DCC: variants seen among roughly 807,000 people sequenced by gnomAD.
DCC encodes the protein DCC netrin 1 receptor.
Under a neutral mutation model 172.5 loss-of-function variants are expected in DCC, and 58 were observed. The ratio of observed to expected loss-of-function variants is 0.34; its 90% confidence interval spans 0.27 to 0.42. The LOEUF (loss-of-function observed/expected upper bound fraction) is 0.42. Among genes scored for constraint, DCC ranks in the 10% least tolerant of loss-of-function variants. The pLI, the probability that DCC is intolerant of heterozygous loss-of-function variation, is 1.00. For synonymous variants in DCC, 709 were observed against 644.5 expected, an observed-to-expected ratio of 1.10 and a Z score of -1.52; for missense variants, 1,740 against 1,791.0, an observed-to-expected ratio of 0.97 and a Z score of 0.51.
At chr18:52,717,695 A>G (rs1356241637) in intron 1 of DCC, among the ~76,000 whole-genome samples, 1 of 152,114 alleles carries the variant, frequency 6.6e-6, no homozygotes, top group Non-Finnish European at 1.5e-5. Context: ...AATACCACCC[A>G]TCTTAGGGTT....
chr18:53,069,919 G>A, intron 7 of DCC, among the ~76,000 whole-genome samples: 1 of 151,068 alleles, frequency 6.6e-6, no homozygotes, highest in East Asian at 1.9e-4. Flanking sequence ...GTGTTGTGGG[G>A]TTGGGGGGGG....
intron 26 of DCC, among the ~76,000 whole-genome samples, chr18:53,487,875 G>T (rs1301306211): frequency 6.6e-6 from 1 of 152,116 alleles, no homozygotes; most frequent in Non-Finnish European, 1.5e-5. Flanking sequence ...AAACTGCATT[G>T]AAGGGAATTA....
chr18:53,274,472 T>C (rs1273304719), intron 12 of DCC, among the ~76,000 whole-genome samples: 2 of 152,300 alleles, frequency 1.3e-5, no homozygotes, highest in African/African-American at 4.8e-5. Flanking sequence ...TGACATCTGA[T>C]TTCCAGGTAT....
At chr18:52,833,095 A>G (rs949603411) in intron 2 of DCC, among the ~76,000 whole-genome samples, 1 of 152,150 alleles carries the variant, frequency 6.6e-6, no homozygotes, top group African/African-American at 2.4e-5. Context: ...AACTATTGCC[A>G]GAAATTGTAC....
chr18:52,951,273 C>CT (rs780587185), intron 5 of DCC, among the ~76,000 whole-genome samples: 46 of 151,368 alleles, frequency 3.0e-4, no homozygotes, highest in African/African-American at 6.3e-4. Context: ...CTTTACAAAT[C>CT]TTTTTTTTTA....
intron 23 of DCC, among the ~76,000 whole-genome samples, chr18:53,453,305 C>T (rs2045440631): frequency 6.6e-6 from 1 of 152,174 alleles, no homozygotes; most frequent in Admixed American, 6.5e-5. Flanking sequence ...CTGGATAATG[C>T]AGGTGAAAGC....
At chr18:53,163,468 A>G (rs764250133) in intron 8 of DCC, among the ~76,000 whole-genome samples, 10 of 152,180 alleles carry the variant, frequency 6.6e-5, no homozygotes, top group Non-Finnish European at 1.0e-4. Context: ...TTGTTTGTTC[A>G]TGTAGGTTTA....
intron 5 of DCC, among the ~76,000 whole-genome samples, chr18:53,018,757 T>G (rs181598443): frequency 2.6e-4 from 39 of 152,232 alleles, no homozygotes; most frequent in Non-Finnish European, 4.6e-4. Context: ...GATACACCTG[T>G]TTGATGAATA....
At chr18:52,578,496 T>C (rs1003574600) in intron 1 of DCC, among the ~76,000 whole-genome samples, 1 of 152,196 alleles carries the variant, frequency 6.6e-6, no homozygotes, top group African/African-American at 2.4e-5. Context: ...TTGTTGTATG[T>C]GTGTTATTTG....
At chr18:52,987,074 G>A (rs557383523) in intron 5 of DCC, among the ~76,000 whole-genome samples, 5 of 152,072 alleles carry the variant, frequency 3.3e-5, no homozygotes, top group South Asian at 2.1e-4. Flanking sequence ...CACTGGCCTC[G>A]GCCTCCCAAA....
intron 1 of DCC, among the ~76,000 whole-genome samples, chr18:52,744,714 A>G (rs1470932416): frequency 2.0e-5 from 3 of 152,210 alleles, no homozygotes; most frequent in Admixed American, 2.0e-4. Context: ...AAAGTCTTCC[A>G]TTAATGGGAA....
intron 5 of DCC, among the ~76,000 whole-genome samples, chr18:52,979,410 C>T (rs1316172763): frequency 6.6e-6 from 1 of 152,116 alleles, no homozygotes; most frequent in African/African-American, 2.4e-5. Flanking sequence ...ATGAGTGGTG[C>T]AGGGCCTGCC....
chr18:52,556,876 T>C (rs1344419108), intron 1 of DCC, among the ~76,000 whole-genome samples: 2 of 152,172 alleles, frequency 1.3e-5, no homozygotes, highest in African/African-American at 4.8e-5. Flanking sequence ...TATTTTGGAC[T>C]AACTCTCAAA....
At chr18:52,804,625 G>A (rs2038054662) in intron 2 of DCC, among the ~76,000 whole-genome samples, 2 of 152,172 alleles carry the variant, frequency 1.3e-5, no homozygotes, top group Admixed American at 6.5e-5. Flanking sequence ...GAAGTGCAGT[G>A]GTGCGATCTC....
rs189339588 is a variant in DCC, at chr18:53,042,896, T to C, written c.986-20409T>C. ...TTAGTTCAACCATTGTTGAAGACAGTGTGGGGATTCTTCAAGGATCTAGAA... is the reference window on the plus strand; with the variant it reads ...TTAGTTCAACCATTGTTGAAGACAGCGTGGGGATTCTTCAAGGATCTAGAA... On this transcript the variant is annotated intron_variant, in intron 5 of 28. Transcript: ENST00000442544. 1.2e-3 allele frequency among the ~76,000 whole-genome samples: 176 copies of C among 152,014 alleles called. 1 individual carries two copies. The highest frequency in any genetic ancestry group is 2.3e-3 in the Non-Finnish European group (154 of 67,924).
At chr18:53,065,724 A>G (rs1408211352) in intron 6 of DCC, among the ~76,000 whole-genome samples, 2 of 152,114 alleles carry the variant, frequency 1.3e-5, no homozygotes, top group African/African-American at 4.8e-5. Flanking sequence ...TTTTCATGGT[A>G]ATCTTTGTTG....
chr18:53,027,384 A>G (rs1031537219), intron 5 of DCC, among the ~76,000 whole-genome samples: 5 of 152,208 alleles, frequency 3.3e-5, no homozygotes, highest in African/African-American at 9.6e-5. Context: ...TAACGTTAAT[A>G]TTAGCATCAA....
Position 52,372,250 on chromosome 18 carries a change from C to T in DCC, c.91+31372C>T, listed in dbSNP as rs114563456. ...GTAACCTCTGCATAATACTAGACCC[C>T]GTGTAGCTGTAGTGCTGAAGAAACC... is the stretch of plus-strand genomic sequence containing the variant. On this transcript the variant is annotated intron_variant, in intron 1 of 28. Coordinates refer to ENST00000442544, the MANE Select transcript of DCC (RefSeq NM_005215.4). 8.4e-3 allele frequency among the ~76,000 whole-genome samples: 1,275 copies of T among 152,266 alleles called. 25 individuals are homozygous for T. Among genetic ancestry groups the T allele is most frequent in the African/African-American group, 0.029 (1,211 of 41,556 alleles).
At chr18:53,515,710 G>GAGAATAAAATACCCAGGAATC (rs1454194935) in intron 27 of DCC, among the ~76,000 whole-genome samples, 1 of 151,010 alleles carries the variant, frequency 6.6e-6, no homozygotes, top group Admixed American at 6.6e-5. Flanking sequence ...TTGCTTCAAA[G>GAGAATAAAATACCCAGGAATC]AGAATAAAAT....
Sources: gnomAD v4.1 joint callset for allele counts (sites outside exome capture counted in the v4.1 genomes callset) on GRCh38, gnomAD v4.1.1 for gene constraint, MANE v1.5 for transcripts, NCBI Gene and HGNC (gene_info 2026-07-23, HGNC 2026-07-21) for gene names.